The following PCDH7 variants were observed in gnomAD, a reference collection of about 807,000 sequenced individuals.
PCDH7 encodes protocadherin-7.
PCDH7 carries 17 observed loss-of-function variants against 58.9 expected under a neutral mutation model. The ratio of observed to expected loss-of-function variants is 0.29; its 90% CI spans 0.20 to 0.43. The LOEUF (loss-of-function observed/expected upper bound fraction) is 0.43. PCDH7 is among the 20% of genes least tolerant of loss of function. PCDH7 has a pLI of 1.00. For missense variants in PCDH7, 1,274 were observed against 1,441.0 expected (o/e 0.88, Z 1.88); for synonymous variants, 664 against 616.4 (o/e 1.08, Z -1.14).
chr4:31,007,610 G>T (rs1302243789), intron 3 of PCDH7, among the ~76,000 whole-genome samples: 3 of 150,508 alleles, frequency 2.0e-5, no homozygotes, highest in East Asian at 1.9e-4. Flanking sequence ...TAAATATGTG[G>T]ATGCTCTCTA....
chr4:30,841,349 A>G (rs1731194037), intron 1 of PCDH7, among the ~76,000 whole-genome samples: 1 of 152,130 alleles, frequency 6.6e-6, no homozygotes, highest in Admixed American at 6.6e-5. Context: ...TCTTGATATA[A>G]TGAGTTCAAG....
chr4:31,123,861 A>G (rs1430084335), intron 3 of PCDH7, among the ~76,000 whole-genome samples: 2 of 152,092 alleles, frequency 1.3e-5, no homozygotes, highest in Non-Finnish European at 2.9e-5. Context: ...AGAGGAGGAC[A>G]AACTCCTCTC....
chr4:31,029,047 A>G (rs925939610), intron 3 of PCDH7, among the ~76,000 whole-genome samples: 3 of 152,322 alleles, frequency 2.0e-5, no homozygotes, highest in African/African-American at 7.2e-5. Flanking sequence ...ACAAAATTTT[A>G]TCTCTACCAC....
intron 1 of PCDH7, among the ~76,000 whole-genome samples, chr4:30,867,751 C>T (rs1027745707): frequency 2.6e-5 from 4 of 152,068 alleles, no homozygotes; most frequent in African/African-American, 9.7e-5. Flanking sequence ...CCCTGTCACT[C>T]ATATGGATCA....
At chr4:30,871,400 A>T (rs994782193) in intron 1 of PCDH7, among the ~76,000 whole-genome samples, 1 of 152,022 alleles carries the variant, frequency 6.6e-6, no homozygotes, top group Non-Finnish European at 1.5e-5. Context: ...CTGTGCATCC[A>T]GCCTGAAGAA....
Position 30,888,869 on chromosome 4 carries a change from A to G in PCDH7, c.71-31284A>G, listed in dbSNP as rs193089082. Among the ~76,000 whole-genome samples the G allele has an allele frequency of 1.8e-3, 261 of 148,698 alleles. 1 individual carries two copies. The highest frequency in any genetic ancestry group is 2.9e-3 in the Admixed American group (43 of 14,914). On this transcript the variant is annotated intron_variant, in intron 1 of 3. Coordinates refer to the PCDH7 transcript ENST00000509759. ...GTTTAAAATTCTCCATAGTAAAACAAGTTTGTTAATAATATATATATTTAC... is the reference window on the plus strand; with the variant it reads ...GTTTAAAATTCTCCATAGTAAAACAGGTTTGTTAATAATATATATATTTAC...
chr4:30,724,833 T>C (rs2109229911), intron 1 of PCDH7: 1 of 1,345,106 alleles, frequency 7.4e-7, no homozygotes, highest in Non-Finnish European at 9.6e-7. Context: ...GTATTCAGAG[T>C]AGGCAGTGTT....
downstream of PCDH7, chr4:31,146,060 A>T (rs1720653205): frequency 6.6e-6 from 1 of 152,030 alleles, no homozygotes; most frequent in South Asian, 2.1e-4. Flanking sequence ...GCTCTTTCTG[A>T]ATCTCCAGAT....
At chr4:31,011,554 A>C (rs1193048917) in intron 3 of PCDH7, among the ~76,000 whole-genome samples, 2 of 151,962 alleles carry the variant, frequency 1.3e-5, no homozygotes, top group South Asian at 2.1e-4. Context: ...ACATGTTCTA[A>C]TGTTTGCATA....
At chr4:31,039,895 A>G (rs1755712446) in intron 3 of PCDH7, among the ~76,000 whole-genome samples, 1 of 152,124 alleles carries the variant, frequency 6.6e-6, no homozygotes, top group African/African-American at 2.4e-5. Flanking sequence ...AATAGACAGA[A>G]CTTCTAGACA....
At chr4:31,118,336 C>A (rs1340446351) in intron 3 of PCDH7, among the ~76,000 whole-genome samples, 19 of 152,100 alleles carry the variant, frequency 1.2e-4, no homozygotes, top group Admixed American at 1.2e-3. Context: ...TGTAAATTAT[C>A]TACTAATTTT....
chr4:31,006,084 G>A (rs542413127), intron 3 of PCDH7, among the ~76,000 whole-genome samples: 1 of 152,192 alleles, frequency 6.6e-6, no homozygotes, highest in East Asian at 1.9e-4. Context: ...CAAATAAAGG[G>A]CTAAATAAAT....
intron 3 of PCDH7, among the ~76,000 whole-genome samples, chr4:31,089,754 A>G (rs1325642022): frequency 2.0e-5 from 3 of 152,094 alleles, no homozygotes; most frequent in Non-Finnish European, 4.4e-5. Flanking sequence ...TGCTCTTTGA[A>G]TAGTAACTTT....
chr4:30,847,549 A>G (rs1455255045), intron 1 of PCDH7, among the ~76,000 whole-genome samples: 1 of 152,208 alleles, frequency 6.6e-6, no homozygotes, highest in African/African-American at 2.4e-5. Context: ...AATAGTATAC[A>G]GTTAAATTAT....
At chr4:30,825,608 G>A (rs1729005876) in intron 1 of PCDH7, among the ~76,000 whole-genome samples, 1 of 152,098 alleles carries the variant, frequency 6.6e-6, no homozygotes, top group South Asian at 2.1e-4. Context: ...TACTGTGATG[G>A]TGGTCCTAAG....
chr4:30,822,945 AGTAAG>A (rs1728561975), intron 1 of PCDH7, among the ~76,000 whole-genome samples: 1 of 152,166 alleles, frequency 6.6e-6, no homozygotes, highest in South Asian at 2.1e-4. Flanking sequence ...TTTATATGTG[AGTAAG>A]AACGGGAAAA....
chr4:31,100,720 A>G (rs189935912), intron 3 of PCDH7, among the ~76,000 whole-genome samples: 1 of 152,324 alleles, frequency 6.6e-6, no homozygotes, highest in East Asian at 1.9e-4. Flanking sequence ...TTTCCATTCA[A>G]GTTCAACTTT....
At chr4:31,113,087 T>C (rs1322424821) in intron 3 of PCDH7, among the ~76,000 whole-genome samples, 1 of 152,200 alleles carries the variant, frequency 6.6e-6, no homozygotes, top group Non-Finnish European at 1.5e-5. Context: ...AAAAATACTA[T>C]TTAATACTAA....
chr4:30,988,828 C>A (rs1331471501), intron 3 of PCDH7, among the ~76,000 whole-genome samples: 1 of 152,136 alleles, frequency 6.6e-6, no homozygotes, highest in Non-Finnish European at 1.5e-5. Flanking sequence ...TCTTTCTTTG[C>A]AGGCCCTGTG....
Sources: allele counts gnomAD v4.1 joint callset (sites outside exome capture counted in the v4.1 genomes callset), GRCh38; gene constraint gnomAD v4.1.1; transcripts MANE v1.5; gene names NCBI Gene and HGNC (gene_info 2026-07-23, HGNC 2026-07-21).